The following TARDBP variants were observed in gnomAD, a reference collection of about 807,000 sequenced individuals.
The protein encoded by TARDBP is TAR DNA binding protein.
A neutral mutation model predicts 38.3 loss-of-function variants in TARDBP; 4 were observed. The ratio of observed to expected loss-of-function variants is 0.10; its 90% CI spans 0.05 to 0.24. The LOEUF (loss-of-function observed/expected upper bound fraction) is 0.24, where lower values mean the gene tolerates loss of function less well. Among genes scored for constraint, TARDBP ranks in the 10% least tolerant of loss-of-function variants. The pLI is 1.00. For missense variants in TARDBP, 202 were observed against 521.9 expected (o/e 0.39, Z 5.97); for synonymous variants, 184 against 183.8 (o/e 1.00, Z -0.01).
intron 3 of TARDBP, among the ~76,000 whole-genome samples, 195 bp downstream of exon 3, chr1:11,017,202 C>CTT (rs61443822): frequency 2.7e-3 from 284 of 105,850 alleles, no homozygotes; most frequent in African/African-American, 9.6e-3. Context: ...TGTTACCTTT[C>CTT]TTTTTTTTTT....
chr1:11,028,443 A>T (rs140318378), downstream of TARDBP, among the ~76,000 whole-genome samples: 89 of 152,360 alleles, frequency 5.8e-4, no homozygotes, highest in African/African-American at 2.0e-3. Context: ...TTTAGAAATT[A>T]GAATGTTGCA....
At position 11,022,361 on chromosome 1, in the gene TARDBP, A is replaced by G; in HGVS notation, c.952A>G (p.Ile318Val). 1 of 1,614,002 alleles carries G rather than the reference A, an allele frequency of 6.2e-7. No homozygotes were observed. The highest frequency in any genetic ancestry group is 8.5e-7 in the Non-Finnish European group (1 of 1,179,872). Residue 318 changes from isoleucine (I) to valine (V), a missense_variant, in exon 6 of 6, where the codon ATT (isoleucine) becomes GTT (valine). Around this residue, in one of 5 missense-constraint regions of TARDBP, gnomAD observed 107 missense variants for 190.5 expected, o/e 0.56. Transcript: ENST00000240185. The surrounding 1 kb of genome is among the most constrained non-coding windows in gnomAD (Gnocchi z 4.5). ...TGGGATGAACTTTGGTGCGTTCAGC[A>G]TTAATCCAGCCATGATGGCTGCCGC... ...GGGMNFGAFS[I>V]NPAMMAAAQA...
chr1:11,026,498 A>G (rs192702267), downstream of TARDBP: 233 of 158,752 alleles, frequency 1.5e-3, 2 homozygotes, highest in African/African-American at 5.3e-3. Context: ...CAGTACTGCC[A>G]TAATATATAA....
intron 3 of TARDBP, 30 bp downstream of exon 3, chr1:11,017,037 C>T: frequency 6.2e-7 from 1 of 1,611,150 alleles, no homozygotes. Context: ...AACAGTTTTT[C>T]TTTACCAGTG....
rs1158732599 is a variant in TARDBP at position 11,025,388 on chromosome 1, T to A, written c.*2734T>A. ...TTTTGAAGTTTAAAAGTACTTAAACTATTTGGCAAAGATTTGTTTTTAAAA... is the reference window on the plus strand; with the variant it reads ...TTTTGAAGTTTAAAAGTACTTAAACAATTTGGCAAAGATTTGTTTTTAAAA... On this transcript the variant is annotated 3_prime_UTR_variant, in exon 6 of 6. Transcript: ENST00000240185. The A allele has an allele frequency of 6.6e-6, 1 of 152,244 alleles. No homozygotes were observed. Among genetic ancestry groups the A allele is most frequent in the Non-Finnish European group, 1.5e-5 (1 of 68,038 alleles). The allele number at this position is 152,244 out of a possible 1,614,324, so 9.4% of individuals were successfully genotyped here.
In TARDBP at chr1:11,015,032, G is replaced by T. The variant is rs138755822; in HGVS notation, c.238+1067G>T. Among the ~76,000 whole-genome samples the T allele has an allele frequency of 3.2e-3, 479 of 151,738 alleles. 6 individuals are homozygous for T. Among genetic ancestry groups the T allele is most frequent in the African/African-American group, 0.011 (453 of 41,386 alleles). ...TGAGGCAGGAGAATCGCTTGAACCT[G>T]GGAGGCGGAGATTACTTTAAGCTGA... On this transcript the variant is annotated intron_variant, in intron 2 of 5. Transcript: ENST00000240185.
In TARDBP at chr1:11,023,318, G is replaced by T; in HGVS notation, c.*664G>T. 6.7e-7 allele frequency: 1 copy of T among 1,501,804 alleles called. No individual in the cohort carries two copies. The highest frequency in any genetic ancestry group is 1.2e-5 in the South Asian group (1 of 82,538). 93.0% of individuals were successfully genotyped at this position (1,501,804 alleles called of 1,614,324 possible). A position where few individuals can be genotyped will look rare whatever the true frequency, so the allele number is the denominator to read the frequency against. The stretch of plus-strand genomic sequence containing the variant: ...AATTCGTCATCACGCATCACAGGCC[G>T]CGTCTTTGACGGTGGGTGTCCCATT... On this transcript the variant is annotated 3_prime_UTR_variant, in exon 6 of 6. Transcript: ENST00000240185.
chr1:11,013,023 C>G (rs1246232530), intron 1 of TARDBP, among the ~76,000 whole-genome samples: 3 of 152,230 alleles, frequency 2.0e-5, no homozygotes, highest in African/African-American at 7.2e-5. Context: ...GTACTTTGTA[C>G]TTCGAGGGAC....
At chr1:11,030,111 C>T (rs1643817448), downstream of TARDBP, 3 of 1,187,658 alleles carry the variant, frequency 2.5e-6, no homozygotes, top group Admixed American at 2.0e-5. Context: ...AAGCTCTCCT[C>T]ACTGTCTCCT....
downstream of TARDBP, chr1:11,030,076 G>T: frequency 1.2e-6 from 1 of 804,978 alleles, no homozygotes; most frequent in Non-Finnish European, 2.0e-6. Context: ...AAGTGCTGAA[G>T]TTACATTTCT....
At chr1:11,028,711 T>TTG (rs1643786289), downstream of TARDBP, among the ~76,000 whole-genome samples, 1 of 145,490 alleles carries the variant, frequency 6.9e-6, no homozygotes, top group South Asian at 2.2e-4. Flanking sequence ...TTTTTCTTTT[T>TTG]TTTTTTTTTT....
rs121908395 is a variant in TARDBP, at chr1:11,022,278, G to C, written c.869G>C (p.Gly290Ala). 6.2e-7 allele frequency: 1 copy of C among 1,613,954 alleles called. No individual in the cohort carries two copies. The highest frequency in any genetic ancestry group is 8.5e-7 in the Non-Finnish European group (1 of 1,179,850). The change falls in exon 6 of 6, where the codon GGT becomes GCT. Residue 290 changes from glycine to alanine, a missense_variant. Around this residue, in one of 5 missense-constraint regions of TARDBP, gnomAD observed 107 missense variants for 190.5 expected, o/e 0.56. Coordinates refer to ENST00000240185, the MANE Select transcript of TARDBP (RefSeq NM_007375.4). This position sits in a 1 kb window ranked among gnomAD's most constrained non-coding sequence, Gnocchi z 4.5. ...PGGFGNQGGF[G>A]NSRGGGAGLG... ...GGCTTTGGGAATCAGGGTGGATTTG[G>C]TAATAGCAGAGGGGGTGGAGCTGGT...
Position 11,019,044 on chromosome 1 carries a change from G to A in TARDBP, c.543+171G>A, listed in dbSNP as rs894431013. The A allele has an allele frequency of 6.1e-6, 5 of 813,048 alleles. No homozygotes were observed. In the African/African-American group the frequency reaches 8.6e-5, roughly 14 times the overall value. The allele number at this position is 813,048 out of a possible 1,614,324, so 50.4% of individuals were successfully genotyped here. A position where few individuals can be genotyped will look rare whatever the true frequency, so the allele number is the denominator to read the frequency against. ...CATGCTGAATATTTTATGCTTGTTT[G>A]AAATATTTAGTTTATTACTTCTCCA... On this transcript the variant is annotated intron_variant, in intron 4 of 5. Transcript: ENST00000240185.
chr1:11,028,697 G>GTTTTTTTTTTTT (rs1208974169), downstream of TARDBP, among the ~76,000 whole-genome samples: 4 of 36,174 alleles, frequency 1.1e-4, no homozygotes, highest in African/African-American at 5.2e-4. Flanking sequence ...ATCTTTCTGG[G>GTTTTTTTTTTTT]TTTTTTTTCT....
chr1:11,014,156 A>C (rs142544531), intron 2 of TARDBP, among the ~76,000 whole-genome samples, 191 bp downstream of exon 2: 326 of 152,340 alleles, frequency 2.1e-3, no homozygotes, highest in African/African-American at 7.6e-3. Flanking sequence ...GATCATTTTA[A>C]AAGAGAAAAC....
chr1:11,028,978 G>A (rs1324359700), downstream of TARDBP, among the ~76,000 whole-genome samples: 3 of 148,990 alleles, frequency 2.0e-5, no homozygotes, highest in Non-Finnish European at 4.5e-5. Flanking sequence ...CTCCCAAAGT[G>A]CTGACTTTTT....
rs1643703850 is a variant in TARDBP at position 11,024,941 on chromosome 1, A to G, written c.*2287A>G. 2 of 32,936 alleles carry G rather than the reference A, an allele frequency of 6.1e-5. No individual in the cohort carries two copies. Among genetic ancestry groups the G allele is most frequent in the African/African-American group, 8.6e-4 (2 of 2,334 alleles). 2.0% of individuals were successfully genotyped at this position (32,936 alleles called of 1,614,324 possible). On this transcript the variant is annotated 3_prime_UTR_variant, in exon 6 of 6. Transcript: ENST00000240185. ...TGATAAATAGGTTTGTCATTTTGCA[A>G]GTTACATAAACATTTATCAATGAAG... is the stretch of plus-strand genomic sequence containing the variant.
intron 4 of TARDBP, 27 bp downstream of exon 4, chr1:11,018,900 T>C (rs1217449945): frequency 6.2e-7 from 1 of 1,613,782 alleles, no homozygotes; most frequent in Non-Finnish European, 8.5e-7. Flanking sequence ...TTTGGGAATT[T>C]TTGCCAACAA....
At chr1:11,015,239 A>C (rs1046071824) in intron 2 of TARDBP, among the ~76,000 whole-genome samples, 1 of 151,906 alleles carries the variant, frequency 6.6e-6, no homozygotes, top group Non-Finnish European at 1.5e-5. Context: ...TAATCCCAGC[A>C]CTTTGGGAGG....
Sources: gnomAD v4.1 joint callset for allele counts (sites outside exome capture counted in the v4.1 genomes callset) on GRCh38, gnomAD v4.1.1 for gene constraint, gnomAD v4.1.1 regional missense constraint, Gnocchi (gnomAD v3.1) non-coding constraint, MANE v1.5 for transcripts, NCBI Gene and HGNC (gene_info 2026-07-23, HGNC 2026-07-21) for gene names.